Variants in CDC14A observed in about 807,000 individuals in gnomAD.
The protein encoded by CDC14A is cell division cycle 14A, also known as dual specificity protein phosphatase CDC14A.
A neutral mutation model predicts 74.4 loss-of-function variants in CDC14A; 53 were observed. That is an observed-to-expected ratio of 0.71 (90% CI 0.57 to 0.89). CDC14A has a LOEUF of 0.89. Among genes scored for constraint, CDC14A ranks in the 40% least tolerant of loss-of-function variants. CDC14A has a pLI of 0.00. For synonymous variants in CDC14A, 247 were observed against 258.4 expected, an observed-to-expected ratio of 0.96 and a Z score of 0.43; for missense variants, 646 against 713.7, an observed-to-expected ratio of 0.91 and a Z score of 1.08.
Position 100,518,214 on chromosome 1 carries a change from T to G in CDC14A, c.1756-37T>G, listed in dbSNP as rs763146829. 30 of 1,571,122 alleles carry G rather than the reference T, an allele frequency of 1.9e-5. 1 individual carries two copies. The Admixed American group carries it at 2.7e-4, about 14-fold the overall frequency. On this transcript the variant is annotated intron_variant, in intron 15 of 15. Coordinates refer to ENST00000336454, the MANE Select transcript of CDC14A (RefSeq NM_003672.4). ...GACTTGCTAGAAGTTTTACATGTGA[T>G]GGAATTTAACCTCAGTTTATGTCTC... is the stretch of plus-strand genomic sequence containing the variant.
intron 2 of CDC14A, among the ~76,000 whole-genome samples, chr1:100,373,586 A>G (rs1343962161): frequency 6.6e-6 from 1 of 152,200 alleles, no homozygotes; most frequent in Admixed American, 6.5e-5. Flanking sequence ...GATAAAGTGA[A>G]GTGCAATAAA....
chr1:100,404,686 T>C (rs1659708048), intron 4 of CDC14A, among the ~76,000 whole-genome samples: 1 of 151,940 alleles, frequency 6.6e-6, no homozygotes, highest in South Asian at 2.1e-4. Context: ...AAAAATTAGC[T>C]GGGCGTGGTG....
At chr1:100,381,028 G>A (rs931112157) in intron 3 of CDC14A, among the ~76,000 whole-genome samples, 22 of 152,268 alleles carry the variant, frequency 1.4e-4, no homozygotes, top group East Asian at 5.8e-4. Context: ...TTGATGAATT[G>A]TAATTACCTG....
intron 4 of CDC14A, among the ~76,000 whole-genome samples, chr1:100,407,838 A>G (rs2101029217): frequency 6.6e-6 from 1 of 152,232 alleles, no homozygotes; most frequent in African/African-American, 2.4e-5. Flanking sequence ...TTATTTTTTA[A>G]GTTGACTTCG....
At chr1:100,444,556 C>G (rs1040771741) in intron 7 of CDC14A, among the ~76,000 whole-genome samples, 1 of 152,176 alleles carries the variant, frequency 6.6e-6, no homozygotes, top group African/African-American at 2.4e-5. Context: ...TCCAGCTCCT[C>G]AAACTGCTTA....
At chr1:100,496,104 GC>G in intron 13 of CDC14A, 55 bp downstream of exon 13, 1 of 1,466,090 alleles carries the variant, frequency 6.8e-7, no homozygotes, top group Non-Finnish European at 9.5e-7. Flanking sequence ...CTTCCTTTTA[GC>G]CATGTTTCCC....
chr1:100,418,903 G>A (rs1369735309), intron 4 of CDC14A, among the ~76,000 whole-genome samples: 2 of 152,160 alleles, frequency 1.3e-5, no homozygotes, highest in Admixed American at 6.5e-5. Flanking sequence ...GACTGTGGAT[G>A]GCCAGGAGTG....
intron 7 of CDC14A, among the ~76,000 whole-genome samples, chr1:100,454,381 G>T (rs1048141451): frequency 5.3e-5 from 8 of 152,032 alleles, no homozygotes; most frequent in African/African-American, 4.8e-5. Flanking sequence ...GGTGGTGGTG[G>T]TAAAGACAGC....
At position 100,432,661 on chromosome 1, in the gene CDC14A, C is replaced by T. The variant is rs1250023361; in HGVS notation, c.390-7271C>T. ...AAGATATCTTATTTATAATTATGTT[C>T]ATTAATGCTGAAATGAGAATATTCT... On this transcript the variant is annotated intron_variant, in intron 5 of 15. Coordinates refer to ENST00000336454, the MANE Select transcript of CDC14A (RefSeq NM_003672.4). Among the ~76,000 whole-genome samples, 3 of 152,154 alleles carry T rather than the reference C, an allele frequency of 2.0e-5. No individual in the cohort carries two copies. In the East Asian group the frequency reaches 5.8e-4, roughly 29 times the overall value.
At chr1:100,409,237 G>C (rs1005462298) in intron 4 of CDC14A, among the ~76,000 whole-genome samples, 1 of 152,072 alleles carries the variant, frequency 6.6e-6, no homozygotes, top group Non-Finnish European at 1.5e-5. Flanking sequence ...ACATAGCACG[G>C]GAAAGACCTG....
intron 2 of CDC14A, among the ~76,000 whole-genome samples, chr1:100,373,615 C>T (rs1480410068): frequency 1.3e-5 from 2 of 152,096 alleles, no homozygotes; most frequent in African/African-American, 2.4e-5. Flanking sequence ...TGCCTATACT[C>T]TTCATTTTGG....
chr1:100,392,772 A>G (rs972719663), intron 4 of CDC14A, among the ~76,000 whole-genome samples: 1 of 152,212 alleles, frequency 6.6e-6, no homozygotes, highest in Non-Finnish European at 1.5e-5. Flanking sequence ...TAATTCTGTG[A>G]CATAATATTA....
At chr1:100,369,715 G>T (rs561182032) in intron 2 of CDC14A, among the ~76,000 whole-genome samples, 1 of 152,168 alleles carries the variant, frequency 6.6e-6, no homozygotes, top group South Asian at 2.1e-4. Flanking sequence ...CTGTTCAGAA[G>T]CTCTTTAGTT....
Position 100,421,562 on chromosome 1 carries a change from G to T in CDC14A, c.310-2660G>T, listed in dbSNP as rs185887378. Among the ~76,000 whole-genome samples the T allele has an allele frequency of 3.5e-3, 530 of 152,104 alleles. 5 individuals carry two copies. The highest frequency in any genetic ancestry group is 0.01 in the Middle Eastern group (3 of 294). On this transcript the variant is annotated intron_variant, in intron 4 of 15. Coordinates refer to ENST00000336454, the MANE Select transcript of CDC14A (RefSeq NM_003672.4). ...TTCCCCTGCCCTTTTCCTCAAATGT[G>T]ACTACAAACTGTTAACAGTTTGAAG...
chr1:100,467,737 C>T (rs1667992008), intron 9 of CDC14A, among the ~76,000 whole-genome samples: 1 of 152,196 alleles, frequency 6.6e-6, no homozygotes, highest in Non-Finnish European at 1.5e-5. Context: ...CTTTTTATCA[C>T]ATCACTTTCT....
intron 8 of CDC14A, among the ~76,000 whole-genome samples, chr1:100,460,209 T>G (rs1208902163): frequency 6.6e-6 from 1 of 152,232 alleles, no homozygotes; most frequent in Admixed American, 6.5e-5. Flanking sequence ...ATTGTTGTTA[T>G]TATTATTTCA....
At chr1:100,398,694 C>T (rs972460611) in intron 4 of CDC14A, among the ~76,000 whole-genome samples, 9 of 152,140 alleles carry the variant, frequency 5.9e-5, no homozygotes, top group Admixed American at 3.3e-4. Flanking sequence ...TTGTTTAAAG[C>T]GGGCAATAGG....
intron 2 of CDC14A, among the ~76,000 whole-genome samples, chr1:100,355,751 G>T (rs1651788199): frequency 6.6e-6 from 1 of 152,096 alleles, no homozygotes; most frequent in African/African-American, 2.4e-5. Flanking sequence ...CATATTACAT[G>T]GTGCTAGGTG....
intron 11 of CDC14A, among the ~76,000 whole-genome samples, chr1:100,491,570 A>ATTTTTT (rs1181639723): frequency 1.7e-4 from 11 of 64,916 alleles, no homozygotes; most frequent in African/African-American, 4.9e-4. Context: ...ATATATATAT[A>ATTTTTT]TATTTTTTTT....
Sources: allele counts gnomAD v4.1 joint callset (sites outside exome capture counted in the v4.1 genomes callset), GRCh38; gene constraint gnomAD v4.1.1; transcripts MANE v1.5; gene names NCBI Gene and HGNC (gene_info 2026-07-23, HGNC 2026-07-21).